MRPS27: variants seen among roughly 807,000 people sequenced by gnomAD.
MRPS27 encodes the protein mitochondrial ribosomal protein S27.
A neutral mutation model predicts 48.9 loss-of-function variants in MRPS27; 43 were observed. The observed-to-expected ratio is 0.88, with a 90% confidence interval of 0.69 to 1.13. The LOEUF (loss-of-function observed/expected upper bound fraction) is 1.13. Ranked by LOEUF, MRPS27 falls within the 50% of genes most tolerant of loss-of-function variation. The pLI is 0.00. For synonymous variants in MRPS27, 188 were observed against 171.9 expected (o/e 1.09, Z -0.73); for missense variants, 467 against 476.3 (o/e 0.98, Z 0.18).
intron 4 of MRPS27, chr5:72,241,323 A>G (rs892429911): frequency 6.0e-6 from 2 of 333,898 alleles, no homozygotes; most frequent in African/African-American, 4.3e-5. Context: ...CTCACAAAAA[A>G]TAAACTGAGG....
At chr5:72,224,843 C>A (rs1747849895) in intron 9 of MRPS27, among the ~76,000 whole-genome samples, 1 of 152,160 alleles carries the variant, frequency 6.6e-6, no homozygotes, top group African/African-American at 2.4e-5. Context: ...CACAGAGGGC[C>A]TAATCATCAG....
In MRPS27 at chr5:72,226,600, C is replaced by T. The variant is rs73761737; in HGVS notation, c.695-401G>A. Reference sequence around the variant, plus strand: ...ATCTTCCCCAGAAAAAGAAATCTCACAGCTTTCCCACTGTGAAAATTTTGT... The same window carrying T: ...ATCTTCCCCAGAAAAAGAAATCTCATAGCTTTCCCACTGTGAAAATTTTGT... On this transcript the variant is annotated intron_variant, in intron 8 of 10. Transcript: ENST00000261413. Among the ~76,000 whole-genome samples, 1,328 of 152,218 alleles carry T rather than the reference C, an allele frequency of 8.7e-3. 28 individuals carry two copies. Among genetic ancestry groups the T allele is most frequent in the African/African-American group, 0.029 (1,207 of 41,546 alleles).
rs1747818655 is a variant in MRPS27 at position 72,223,768 on chromosome 5, T to C, written c.920A>G (p.Asn307Ser). ...CTCCACCAGTTTTTCTGACCCCTGG[T>C]TGTCTTCATCATTTTGGGACTGCTC... The part of the protein sequence containing the change: ...SEEQSQNDED[N>S]QGSEKLVEQL... Residue 307 changes from asparagine to serine, a missense_variant, in exon 10 of 11, where the codon AAC (asparagine) becomes AGC (serine). Coordinates refer to ENST00000261413, the MANE Select transcript of MRPS27 (RefSeq NM_015084.3). 1 of 1,614,030 alleles carries C rather than the reference T, an allele frequency of 6.2e-7. No homozygotes were observed. Among genetic ancestry groups the C allele is most frequent in the South Asian group, 1.1e-5 (1 of 91,078 alleles).
chr5:72,289,784 T>G (rs1252490589), intron 4 of MRPS27, among the ~76,000 whole-genome samples: 2 of 152,214 alleles, frequency 1.3e-5, no homozygotes, highest in Non-Finnish European at 1.5e-5. Flanking sequence ...TGACTTATCC[T>G]TCAGGAATGA....
chr5:72,255,766 A>C (rs1042427069), intron 4 of MRPS27, among the ~76,000 whole-genome samples: 1 of 152,238 alleles, frequency 6.6e-6, no homozygotes, highest in African/African-American at 2.4e-5. Flanking sequence ...TTAATACTGA[A>C]CAAGGCCAAA....
At chr5:72,306,466 CAGAGGA>C (rs1750271817) in intron 2 of MRPS27, among the ~76,000 whole-genome samples, 1 of 152,150 alleles carries the variant, frequency 6.6e-6, no homozygotes, top group African/African-American at 2.4e-5. Flanking sequence ...ATATGGAAGG[CAGAGGA>C]GCACGCTAAA....
chr5:72,276,032 G>A (rs181337579), intron 4 of MRPS27, among the ~76,000 whole-genome samples: 3 of 149,654 alleles, frequency 2.0e-5, no homozygotes, highest in Non-Finnish European at 4.4e-5. Flanking sequence ...TGTGTGTGTG[G>A]GGGGGGTACT....
chr5:72,315,557 GAAAA>G (rs564206800), intron 1 of MRPS27, among the ~76,000 whole-genome samples: 1 of 85,000 alleles, frequency 1.2e-5, no homozygotes. Flanking sequence ...ACTCTGTTTC[GAAAA>G]AAAAAAAAAA....
chr5:72,299,085 A>C (rs1403332147), intron 2 of MRPS27, among the ~76,000 whole-genome samples: 1 of 152,142 alleles, frequency 6.6e-6, no homozygotes, highest in African/African-American at 2.4e-5. Flanking sequence ...ACACGGACAT[A>C]AATATGGGAA....
At chr5:72,319,578 C>G (rs767673806) in intron 1 of MRPS27, among the ~76,000 whole-genome samples, 6 of 126,364 alleles carry the variant, frequency 4.7e-5, no homozygotes, top group Non-Finnish European at 7.9e-5. Context: ...GGGTCTCGCT[C>G]TGTTGCCCAG....
In MRPS27 at chr5:72,220,786, T is replaced by C. The variant is rs1747717739; in HGVS notation, c.*123A>G. The C allele has an allele frequency of 7.1e-7, 1 of 1,400,458 alleles. No individual in the cohort carries two copies. The highest frequency in any genetic ancestry group is 9.7e-7 in the Non-Finnish European group (1 of 1,026,864). 86.8% of individuals were successfully genotyped at this position (1,400,458 alleles called of 1,614,324 possible). On this transcript the variant is annotated 3_prime_UTR_variant, in exon 11 of 11. Coordinates refer to ENST00000261413, the MANE Select transcript of MRPS27 (RefSeq NM_015084.3). ...ATGGTGCCTTGCCATGTAGGGCACATAGCCTGCTTTAAGAAAAGAAGATGG... is the reference window on the plus strand; with the variant it reads ...ATGGTGCCTTGCCATGTAGGGCACACAGCCTGCTTTAAGAAAAGAAGATGG...
chr5:72,278,867 AG>A (rs1351533623), intron 4 of MRPS27, among the ~76,000 whole-genome samples: 5 of 152,206 alleles, frequency 3.3e-5, no homozygotes, highest in African/African-American at 9.7e-5. Flanking sequence ...TGTAAAAAAA[AG>A]TCTATCACAT....
chr5:72,281,834 C>T (rs1210557323), intron 4 of MRPS27, among the ~76,000 whole-genome samples: 1 of 152,204 alleles, frequency 6.6e-6, no homozygotes, highest in Non-Finnish European at 1.5e-5. Context: ...CTTATCAAAA[C>T]TCTGCCAAGA....
chr5:72,239,580 A>G (rs985613615), intron 4 of MRPS27, among the ~76,000 whole-genome samples: 4 of 152,216 alleles, frequency 2.6e-5, no homozygotes, highest in African/African-American at 9.6e-5. Context: ...GGCATGGTAT[A>G]GGGGACCTAG....
At chr5:72,281,909 A>G (rs768549745) in intron 4 of MRPS27, among the ~76,000 whole-genome samples, 3 of 152,310 alleles carry the variant, frequency 2.0e-5, no homozygotes, top group Non-Finnish European at 4.4e-5. Flanking sequence ...TGAACTATGT[A>G]ACAGCCAGTG....
intron 4 of MRPS27, among the ~76,000 whole-genome samples, chr5:72,277,818 C>G (rs1255795974): frequency 1.3e-5 from 2 of 152,084 alleles, no homozygotes; most frequent in African/African-American, 2.4e-5. Context: ...AAGCCATTAT[C>G]CTCAGCAAAC....
intron 4 of MRPS27, among the ~76,000 whole-genome samples, chr5:72,258,057 C>A (rs539007926): frequency 7.2e-6 from 1 of 139,432 alleles, no homozygotes. Context: ...GCACTCCAGC[C>A]TGGACAACAG....
chr5:72,318,771 G>C (rs1384898454), intron 1 of MRPS27, among the ~76,000 whole-genome samples: 1 of 142,646 alleles, frequency 7.0e-6, no homozygotes. Context: ...TCTAACCTGG[G>C]CAACAAGAAC....
intron 2 of MRPS27, among the ~76,000 whole-genome samples, chr5:72,305,780 C>T (rs975427002): frequency 6.6e-6 from 1 of 152,212 alleles, no homozygotes; most frequent in African/African-American, 2.4e-5. Flanking sequence ...AACACCCTAC[C>T]CAGTTCCCCA....
Sources: allele counts gnomAD v4.1 joint callset (sites outside exome capture counted in the v4.1 genomes callset), GRCh38; gene constraint gnomAD v4.1.1; transcripts MANE v1.5; gene names NCBI Gene and HGNC (gene_info 2026-07-23, HGNC 2026-07-21).